The following TSHZ3 variants were observed in gnomAD, a reference collection of about 807,000 sequenced individuals.
TSHZ3 encodes teashirt zinc finger homeobox 3, also known as teashirt homolog 3.
In TSHZ3, 10 loss-of-function variants were observed where a neutral mutation model predicts 64.5. The ratio of observed to expected loss-of-function variants is 0.16; its 90% CI spans 0.10 to 0.26. The LOEUF is 0.26. Among genes scored for constraint, TSHZ3 ranks in the 10% least tolerant of loss-of-function variants. The pLI is 1.00. For missense variants in TSHZ3, 1,242 were observed against 1,421.7 expected (o/e 0.87, Z 2.03); for synonymous variants, 608 against 593.1 (o/e 1.03, Z -0.36).
At chr19:31,331,807 G>C (rs1452008070) in intron 1 of TSHZ3, among the ~76,000 whole-genome samples, 1 of 152,156 alleles carries the variant, frequency 6.6e-6, no homozygotes, top group Non-Finnish European at 1.5e-5. Context: ...TTCCACACCA[G>C]AGCACGCTGC....
intron 1 of TSHZ3, among the ~76,000 whole-genome samples, chr19:31,330,706 G>A (rs1407389338): frequency 1.5e-5 from 1 of 68,032 alleles, no homozygotes; most frequent in African/African-American, 7.6e-5. Context: ...TTTAATCCTT[G>A]GGCGGGGGGA....
chr19:31,173,127 G>A (rs573266942), intron 5 of TSHZ3, among the ~76,000 whole-genome samples: 1 of 152,296 alleles, frequency 6.6e-6, no homozygotes, highest in East Asian at 1.9e-4. Flanking sequence ...CCATGTGGTG[G>A]GTCACTTGGG....
At chr19:31,342,844 A>AG (rs2090508725) in intron 1 of TSHZ3, among the ~76,000 whole-genome samples, 1 of 152,274 alleles carries the variant, frequency 6.6e-6, no homozygotes. Flanking sequence ...GAAAAAGAAG[A>AG]AACACAGAGA....
intron 5 of TSHZ3, among the ~76,000 whole-genome samples, chr19:31,168,146 C>A (rs1974481977): frequency 6.6e-6 from 1 of 151,950 alleles, no homozygotes; most frequent in South Asian, 2.1e-4. Context: ...CATAATTGAT[C>A]TAGTATTTTT....
chr19:31,248,543 C>T (rs1227402283), intron 1 of TSHZ3, among the ~76,000 whole-genome samples: 2 of 151,900 alleles, frequency 1.3e-5, no homozygotes, highest in Non-Finnish European at 2.9e-5. Flanking sequence ...GAGCAGTGGT[C>T]CCTGCCTGTC....
intron 1 of TSHZ3, among the ~76,000 whole-genome samples, chr19:31,246,966 A>G (rs1379776229): frequency 6.6e-6 from 1 of 152,218 alleles, no homozygotes; most frequent in Non-Finnish European, 1.5e-5. Context: ...ACAAAAATAA[A>G]TAATGATTGA....
intron 5 of TSHZ3, among the ~76,000 whole-genome samples, chr19:31,166,057 G>T (rs190372121): frequency 6.6e-6 from 1 of 152,152 alleles, no homozygotes; most frequent in East Asian, 1.9e-4. Flanking sequence ...TCCATTAAAC[G>T]CTTTATTACA....
At chr19:31,199,414 A>AG (rs1226645993) in intron 5 of TSHZ3, among the ~76,000 whole-genome samples, 2 of 151,142 alleles carry the variant, frequency 1.3e-5, no homozygotes, top group African/African-American at 2.4e-5. Context: ...AAAAAAAAAA[A>AG]AAAAAAAAGA....
intron 1 of TSHZ3, among the ~76,000 whole-genome samples, chr19:31,284,130 G>A (rs953897074): frequency 2.6e-5 from 4 of 152,116 alleles, no homozygotes; most frequent in Non-Finnish European, 4.4e-5. Context: ...ATTCTCTAAG[G>A]GAGGGAACCT....
At chr19:31,304,350 G>A (rs1173011003) in intron 1 of TSHZ3, among the ~76,000 whole-genome samples, 1 of 152,068 alleles carries the variant, frequency 6.6e-6, no homozygotes, top group East Asian at 1.9e-4. Context: ...GGGCAAGCAG[G>A]GCCAGGACTG....
intron 4 of TSHZ3, among the ~76,000 whole-genome samples, chr19:31,219,813 A>G (rs567631355): frequency 6.7e-6 from 1 of 149,274 alleles, no homozygotes; most frequent in African/African-American, 2.4e-5. Context: ...ATATGTATAT[A>G]TATAAAAAAT....
intron 5 of TSHZ3, among the ~76,000 whole-genome samples, chr19:31,182,980 G>T (rs914551434): frequency 2.6e-4 from 39 of 152,144 alleles, no homozygotes; most frequent in Admixed American, 2.4e-3. Context: ...TCTCCATAAT[G>T]TGGGTGGGCC....
chr19:31,301,807 C>T (rs1976762289), intron 1 of TSHZ3, among the ~76,000 whole-genome samples: 1 of 152,160 alleles, frequency 6.6e-6, no homozygotes, highest in Non-Finnish European at 1.5e-5. Flanking sequence ...TTTGAGCACT[C>T]TGCTGTACGT....
chr19:31,295,528 T>A (rs183162715), intron 1 of TSHZ3, among the ~76,000 whole-genome samples: 1 of 152,256 alleles, frequency 6.6e-6, no homozygotes. Context: ...CAACAAAATA[T>A]TTTATGAATT....
chr19:31,269,307 T>C (rs1364732232), intron 1 of TSHZ3, among the ~76,000 whole-genome samples: 1 of 152,232 alleles, frequency 6.6e-6, no homozygotes, highest in Non-Finnish European at 1.5e-5. Context: ...CAAGCCCTGA[T>C]GAGGCTTTCA....
At chr19:31,295,760 C>T (rs547182041) in intron 1 of TSHZ3, among the ~76,000 whole-genome samples, 30 of 151,678 alleles carry the variant, frequency 2.0e-4, no homozygotes, top group Non-Finnish European at 2.9e-4. Context: ...TGTTATTCTG[C>T]ATAAAAAGGT....
rs568209060 is a variant in TSHZ3 at position 31,294,728 on chromosome 19, A to T, written c.41-14976T>A. ...GGCATCACAATATATGTTTCCTCTTAAGTATCCCATCTCACATTTTTATAT... is the reference window on the plus strand; with the variant it reads ...GGCATCACAATATATGTTTCCTCTTTAGTATCCCATCTCACATTTTTATAT... On this transcript the variant is annotated intron_variant, in intron 1 of 1. Transcript: ENST00000240587. 4.6e-5 allele frequency among the ~76,000 whole-genome samples: 7 copies of T among 152,298 alleles called. No individual in the cohort carries two copies. The East Asian group carries it at 9.6e-4, about 21-fold the overall frequency.
chr19:31,185,798 G>T (rs112104842), intron 5 of TSHZ3, among the ~76,000 whole-genome samples: 1 of 152,200 alleles, frequency 6.6e-6, no homozygotes, highest in Non-Finnish European at 1.5e-5. Context: ...ACCCCAGGAA[G>T]TTCCATCATT....
rs995871284 is a variant in TSHZ3, at chr19:31,220,079, T to A, written n.686+7926A>T. Among the ~76,000 whole-genome samples, 3 of 152,240 alleles carry A rather than the reference T, an allele frequency of 2.0e-5. No homozygotes were observed. The South Asian group carries it at 6.2e-4, about 32-fold the overall frequency. ...CAAGGTGGATGGATGGTGGAGAAAA[T>A]CCTTTTCAACAAACAGTGGTAGAAC... On this transcript the variant is annotated intron_variant and non_coding_transcript_variant, in intron 4 of 6. Coordinates refer to the TSHZ3 transcript ENST00000651361.
Sources: allele counts gnomAD v4.1 joint callset (sites outside exome capture counted in the v4.1 genomes callset), GRCh38; gene constraint gnomAD v4.1.1; transcripts MANE v1.5; gene names NCBI Gene and HGNC (gene_info 2026-07-23, HGNC 2026-07-21).